The following LYPLAL1 variants were observed in gnomAD, a reference collection of about 807,000 sequenced individuals.
LYPLAL1 encodes lysophospholipase like 1, also known as lysophospholipase-like protein 1.
Under a neutral mutation model 19.7 loss-of-function variants are expected in LYPLAL1, and 23 were observed. The ratio of observed to expected loss-of-function variants is 1.17; its 90% CI spans 0.84 to 1.65. The LOEUF (loss-of-function observed/expected upper bound fraction) is 1.65, where lower values mean the gene tolerates loss of function less well. LYPLAL1 is among the 40% of genes most tolerant of loss of function. The probability of loss-of-function intolerance (pLI) is 0.00; values close to 1 mark genes in which losing one functional copy is unlikely to be tolerated. For missense variants in LYPLAL1, 355 were observed against 279.4 expected, an observed-to-expected ratio of 1.27 and a Z score of -1.93; for synonymous variants, 119 against 96.3, an observed-to-expected ratio of 1.24 and a Z score of -1.38.
intron 1 of LYPLAL1, chr1:219,175,203 A>G (rs1402110209): frequency 1.6e-6 from 1 of 615,422 alleles, no homozygotes; most frequent in African/African-American, 2.0e-5. Flanking sequence ...TAGAACCCAA[A>G]GCTCTCCGAC....
the LYPLAL1 span, among the ~76,000 whole-genome samples, chr1:219,444,645 AAAG>A: frequency 6.6e-6 from 1 of 152,210 alleles, no homozygotes; most frequent in Non-Finnish European, 1.5e-5. Context: ...CTTACCAGTC[AAAG>A]TCATTGTGCT....
chr1:219,379,756 A>T, the LYPLAL1 span, among the ~76,000 whole-genome samples: 1 of 152,222 alleles, frequency 6.6e-6, no homozygotes, highest in African/African-American at 2.4e-5. Flanking sequence ...ATTGTTTGAG[A>T]CTACCTTAAT....
the LYPLAL1 span, among the ~76,000 whole-genome samples, chr1:219,336,098 A>G: frequency 6.6e-6 from 1 of 151,344 alleles, no homozygotes; most frequent in African/African-American, 2.4e-5. Context: ...AGTGTTGACA[A>G]AAAACTCTTG....
the LYPLAL1 span, among the ~76,000 whole-genome samples, chr1:219,279,890 C>G: frequency 2.6e-5 from 4 of 151,932 alleles, no homozygotes; most frequent in Non-Finnish European, 5.9e-5. Context: ...TCCAAAATAT[C>G]CATAGGTGTT....
At chr1:219,388,439 TTA>T in the LYPLAL1 span, among the ~76,000 whole-genome samples, 9 of 152,242 alleles carry the variant, frequency 5.9e-5, 1 homozygote, top group African/African-American at 1.9e-4. Context: ...GCTCTGGAGT[TTA>T]TGTGTTTTCA....
At chr1:219,388,859 T>G in the LYPLAL1 span, among the ~76,000 whole-genome samples, 1 of 152,178 alleles carries the variant, frequency 6.6e-6, no homozygotes, top group Non-Finnish European at 1.5e-5. Flanking sequence ...TTGATGAGAC[T>G]ACTCCTTTAT....
At chr1:219,247,259 C>G in the LYPLAL1 span, among the ~76,000 whole-genome samples, 1 of 152,028 alleles carries the variant, frequency 6.6e-6, no homozygotes. Context: ...GACTTACACT[C>G]TAACGAATGA....
the LYPLAL1 span, among the ~76,000 whole-genome samples, chr1:219,281,036 G>T: frequency 6.6e-6 from 1 of 152,158 alleles, no homozygotes; most frequent in African/African-American, 2.4e-5. Context: ...GTGACAAGGT[G>T]AGACTGTCTC....
chr1:219,229,333 G>GAGAGAC, the LYPLAL1 span, among the ~76,000 whole-genome samples: 1 of 95,688 alleles, frequency 1.0e-5, no homozygotes, highest in African/African-American at 3.4e-5. Context: ...GAGAGAGAGA[G>GAGAGAC]AGAGACACGC....
At chr1:219,295,104 C>A in the LYPLAL1 span, among the ~76,000 whole-genome samples, 3 of 152,180 alleles carry the variant, frequency 2.0e-5, no homozygotes, top group African/African-American at 4.8e-5. Context: ...ACAGCATCCA[C>A]TACAGACTTA....
At chr1:219,347,854 G>A in the LYPLAL1 span, among the ~76,000 whole-genome samples, 2 of 150,024 alleles carry the variant, frequency 1.3e-5, no homozygotes, top group Non-Finnish European at 3.0e-5. Flanking sequence ...GATTCTCCTT[G>A]ATGCACAGAA....
At chr1:219,209,510 T>C (rs545333378) in intron 3 of LYPLAL1, among the ~76,000 whole-genome samples, 52 of 152,236 alleles carry the variant, frequency 3.4e-4, no homozygotes, top group African/African-American at 1.3e-3. Context: ...TGTAGTAAAT[T>C]CAAATTTATG....
the LYPLAL1 span, among the ~76,000 whole-genome samples, chr1:219,361,211 A>G: frequency 6.6e-6 from 1 of 152,180 alleles, no homozygotes; most frequent in Non-Finnish European, 1.5e-5. Flanking sequence ...TGCACAGGTT[A>G]GAGAATAAGC....
chr1:219,358,829 T>TGTGTGC, the LYPLAL1 span, among the ~76,000 whole-genome samples: 1 of 150,682 alleles, frequency 6.6e-6, no homozygotes, highest in Non-Finnish European at 1.5e-5. Flanking sequence ...AGTGCGTGTG[T>TGTGTGC]GTGTGCGTGT....
chr1:219,229,854 T>A, the LYPLAL1 span, among the ~76,000 whole-genome samples: 1 of 152,142 alleles, frequency 6.6e-6, no homozygotes, highest in African/African-American at 2.4e-5. Flanking sequence ...TAAACTAATA[T>A]TATCAAGGTC....
chr1:219,174,379 C>G, intron 1 of LYPLAL1: 1 of 840,018 alleles, frequency 1.2e-6, no homozygotes, highest in South Asian at 3.6e-5. Flanking sequence ...GTCGTAATTG[C>G]CCATTGCTTT....
At chr1:219,361,794 A>G in the LYPLAL1 span, among the ~76,000 whole-genome samples, 18 of 152,174 alleles carry the variant, frequency 1.2e-4, no homozygotes, top group Admixed American at 1.2e-3. Context: ...GGGTAAAAGA[A>G]CTTGAGTCTT....
At chr1:219,384,811 T>C in the LYPLAL1 span, among the ~76,000 whole-genome samples, 1 of 152,128 alleles carries the variant, frequency 6.6e-6, no homozygotes, top group African/African-American at 2.4e-5. Context: ...ATTGATAAAA[T>C]AAGGAGAAAT....
the LYPLAL1 span, among the ~76,000 whole-genome samples, chr1:219,270,500 G>A: frequency 2.0e-5 from 3 of 152,210 alleles, no homozygotes; most frequent in East Asian, 1.9e-4. Context: ...CATAGTGCAC[G>A]AAAAGGCTGG....
Sources: gnomAD v4.1 joint callset for allele counts (sites outside exome capture counted in the v4.1 genomes callset) on GRCh38, gnomAD v4.1.1 for gene constraint, MANE v1.5 for transcripts, NCBI Gene and HGNC (gene_info 2026-07-23, HGNC 2026-07-21) for gene names.